Variants in KDELR2 observed in about 807,000 individuals in gnomAD.
KDELR2 encodes ER lumen protein-retaining receptor 2.
Under a neutral mutation model 23.9 loss-of-function variants are expected in KDELR2, and 15 were observed. That is an observed-to-expected ratio of 0.63 (90% confidence interval 0.42 to 0.97). The LOEUF (loss-of-function observed/expected upper bound fraction) is 0.97, where lower values mean the gene tolerates loss of function less well. KDELR2 is among the 50% of genes least tolerant of loss of function. The pLI is 0.00. For missense variants in KDELR2, 272 were observed against 254.6 expected (o/e 1.07, Z -0.46); for synonymous variants, 119 against 106.2 (o/e 1.12, Z -0.74).
rs1206035683 is a variant in KDELR2, at chr7:6,473,082, A to ATTTTTTTTT, written c.192+1093_192+1101dup. ...GCCACCATGCCTGGCTAATTTTTGTATTTTTTTTTTTTTTTTTTTTTTAGA... is the reference window on the plus strand; with the variant it reads ...GCCACCATGCCTGGCTAATTTTTGTATTTTTTTTTTTTTTTTTTTTTTTTTTTTTTTAGA... On this transcript the variant is annotated intron_variant, in intron 2 of 4. Coordinates refer to ENST00000258739, the MANE Select transcript of KDELR2 (RefSeq NM_006854.4). Among the ~76,000 whole-genome samples the ATTTTTTTTT allele has an allele frequency of 5.4e-4, 51 of 94,770 alleles. 1 individual carries two copies. Among genetic ancestry groups the ATTTTTTTTT allele is most frequent in the African/African-American group, 9.1e-4 (21 of 23,044 alleles). The allele number at this position is 94,770 out of a possible 152,430, so 62.2% of individuals were successfully genotyped here.
At chr7:6,478,629 T>G (rs1785809959) in intron 1 of KDELR2, among the ~76,000 whole-genome samples, 4 of 152,280 alleles carry the variant, frequency 2.6e-5, no homozygotes, top group Non-Finnish European at 5.9e-5. Flanking sequence ...TCACTCAGTT[T>G]ATTGTCTTTA....
chr7:6,464,976 T>C (rs1406653174), intron 4 of KDELR2, among the ~76,000 whole-genome samples: 5 of 151,862 alleles, frequency 3.3e-5, no homozygotes, highest in Admixed American at 3.3e-4. Flanking sequence ...CCTCAGACGA[T>C]CCACCCATCT....
chr7:6,464,988 G>A (rs1038547718), intron 4 of KDELR2, among the ~76,000 whole-genome samples: 7 of 151,610 alleles, frequency 4.6e-5, no homozygotes, highest in Non-Finnish European at 7.4e-5. Context: ...CACCCATCTC[G>A]GCCTCCCAAA....
chr7:6,471,118 AAAAAT>A (rs1415784994), intron 2 of KDELR2, among the ~76,000 whole-genome samples: 1 of 58,982 alleles, frequency 1.7e-5, no homozygotes, highest in Non-Finnish European at 3.9e-5. Context: ...CTGTCTCAAA[AAAAAT>A]AAAAAATAAA....
At chr7:6,472,882 C>A (rs1022700826) in intron 2 of KDELR2, among the ~76,000 whole-genome samples, 17 of 148,566 alleles carry the variant, frequency 1.1e-4, no homozygotes, top group African/African-American at 4.0e-4. Flanking sequence ...ATTACATATC[C>A]TGAGAGCCCC....
intron 3 of KDELR2, among the ~76,000 whole-genome samples, chr7:6,469,009 T>C (rs1362946987): frequency 2.0e-5 from 3 of 151,102 alleles, no homozygotes; most frequent in Non-Finnish European, 4.4e-5. Context: ...TGGAGTGTAG[T>C]GGCACAATCT....
intron 1 of KDELR2, 60 bp downstream of exon 1, chr7:6,483,907 G>T: frequency 1.9e-5 from 25 of 1,323,834 alleles, no homozygotes; most frequent in Non-Finnish European, 2.4e-5. Flanking sequence ...AGGTCGGCGG[G>T]TCCTCGGCGA....
intron 1 of KDELR2, among the ~76,000 whole-genome samples, chr7:6,481,349 G>C (rs1583322203): frequency 1.0e-5 from 1 of 100,068 alleles, no homozygotes; most frequent in Non-Finnish European, 1.9e-5. Context: ...TGGGACACAA[G>C]ATCAAAAGTT....
In KDELR2 at chr7:6,469,476, C is replaced by T. The variant is rs753807064; in HGVS notation, c.351+120G>A. The T allele has an allele frequency of 2.2e-4, 196 of 880,472 alleles. 1 individual carries two copies. Among genetic ancestry groups the T allele is most frequent in the South Asian group, 7.8e-4 (47 of 60,316 alleles). The allele number at this position is 880,472 out of a possible 1,614,324, so 54.5% of individuals were successfully genotyped here. On this transcript the variant is annotated intron_variant, in intron 3 of 4. Transcript: ENST00000258739. ...TGCACCATGTTGGCCAGGCTGGTCT[C>T]GAACTCCTGACCTCATGATCCACCC... is the stretch of plus-strand genomic sequence containing the variant.
At chr7:6,469,356 A>G (rs923589484) in intron 3 of KDELR2, among the ~76,000 whole-genome samples, 1 of 151,672 alleles carries the variant, frequency 6.6e-6, no homozygotes, top group African/African-American at 2.4e-5. Flanking sequence ...CCTGGGTTCA[A>G]GTGATTCTCC....
chr7:6,471,850 T>A (rs1464022104), intron 2 of KDELR2, among the ~76,000 whole-genome samples: 2 of 152,108 alleles, frequency 1.3e-5, no homozygotes, highest in Non-Finnish European at 2.9e-5. Flanking sequence ...TCACTTCTCT[T>A]GGGTATGTAC....
intron 1 of KDELR2, among the ~76,000 whole-genome samples, chr7:6,475,640 T>C (rs570119009): frequency 6.6e-6 from 1 of 152,282 alleles, no homozygotes; most frequent in East Asian, 1.9e-4. Flanking sequence ...CCAGGAAGGC[T>C]GGACATTTAT....
intron 1 of KDELR2, among the ~76,000 whole-genome samples, chr7:6,478,481 T>C (rs1048441444): frequency 9.2e-5 from 14 of 152,166 alleles, no homozygotes; most frequent in Admixed American, 2.6e-4. Context: ...AGACTAAGCA[T>C]CCTTTCATGC....
Position 6,468,482 on chromosome 7 carries a change from C to CCCACCAT in KDELR2, c.351+1113_351+1114insATGGTGG, listed in dbSNP as rs1338977114. Among the ~76,000 whole-genome samples, 5 of 151,760 alleles carry CCCACCAT rather than the reference C, an allele frequency of 3.3e-5. No individual in the cohort carries two copies. The East Asian group carries it at 9.7e-4, about 29-fold the overall frequency. ...TAGCTGGGATTACAGGCGTGCGATA[C>CCCACCAT]CACACCCAGCTAATTTTTGATTTTC... On this transcript the variant is annotated intron_variant, in intron 3 of 4. Transcript: ENST00000258739.
Position 6,484,124 on chromosome 7 carries a change from G to T in KDELR2, c.-67C>A, listed in dbSNP as rs1484516101. 13 of 1,201,786 alleles carry T rather than the reference G, an allele frequency of 1.1e-5. No homozygotes were observed. The East Asian group carries it at 2.1e-4, about 19-fold the overall frequency. 74.4% of individuals were successfully genotyped at this position (1,201,786 alleles called of 1,614,324 possible). A position where few individuals can be genotyped will look rare whatever the true frequency, so the allele number is the denominator to read the frequency against. On this transcript the variant is annotated 5_prime_UTR_variant, in exon 1 of 5. Transcript: ENST00000258739. Reference sequence around the variant, plus strand: ...GGGGCTGGGCGGCTCAGGAGGCGGCGGCCCCTGAGAGGAAGCGGCGAAGAT... The same window carrying T: ...GGGGCTGGGCGGCTCAGGAGGCGGCTGCCCCTGAGAGGAAGCGGCGAAGAT...
At chr7:6,464,087 C>T (rs1481333761) in intron 4 of KDELR2, among the ~76,000 whole-genome samples, 2 of 150,242 alleles carry the variant, frequency 1.3e-5, no homozygotes, top group South Asian at 4.2e-4. Flanking sequence ...ATCCCAGCTA[C>T]TCAGGAGGCT....
At chr7:6,479,120 A>G (rs1349950673) in intron 1 of KDELR2, among the ~76,000 whole-genome samples, 2 of 151,676 alleles carry the variant, frequency 1.3e-5, no homozygotes, top group African/African-American at 2.4e-5. Context: ...CATTTCAACT[A>G]CATTGCAGCT....
chr7:6,483,526 C>A (rs1235870420), intron 1 of KDELR2, among the ~76,000 whole-genome samples: 1 of 152,182 alleles, frequency 6.6e-6, no homozygotes, highest in Admixed American at 6.5e-5. Flanking sequence ...CAGGCGCAGC[C>A]GGCCACGATC....
At position 6,462,750 on chromosome 7, in the gene KDELR2, T is replaced by G. The variant is rs1785414123; in HGVS notation, c.*391A>C. On this transcript the variant is annotated 3_prime_UTR_variant, in exon 5 of 5. Coordinates refer to ENST00000258739, the MANE Select transcript of KDELR2 (RefSeq NM_006854.4). ...ATGGAAGAATATATAATCTATCAAC[T>G]GTCAAGGAGTACAATTTCATTGCAG... 2.2e-6 allele frequency: 1 copy of G among 451,478 alleles called. No individual in the cohort carries two copies. Among genetic ancestry groups the G allele is most frequent in the Non-Finnish European group, 3.9e-6 (1 of 257,466 alleles). 28.0% of individuals were successfully genotyped at this position (451,478 alleles called of 1,614,324 possible).
Sources: allele counts gnomAD v4.1 joint callset (sites outside exome capture counted in the v4.1 genomes callset), GRCh38; gene constraint gnomAD v4.1.1; transcripts MANE v1.5; gene names NCBI Gene and HGNC (gene_info 2026-07-23, HGNC 2026-07-21).